The following FHIP1B variants were observed in gnomAD, a reference collection of about 807,000 sequenced individuals.
The protein encoded by FHIP1B is FHF complex subunit HOOK interacting protein 1B.
In FHIP1B, 28 loss-of-function variants were observed where a neutral mutation model predicts 82.2. That is an observed-to-expected ratio of 0.34 (90% confidence interval 0.25 to 0.47). The LOEUF (loss-of-function observed/expected upper bound fraction) is 0.47, where lower values mean the gene tolerates loss of function less well. Among genes scored for constraint, FHIP1B ranks in the 20% least tolerant of loss-of-function variants. The probability of loss-of-function intolerance (pLI) is 1.00; values close to 1 mark genes in which losing one functional copy is unlikely to be tolerated. For synonymous variants in FHIP1B, 585 were observed against 516.1 expected (o/e 1.13, Z -1.81); for missense variants, 1,110 against 1,262.6 (o/e 0.88, Z 1.83).
In FHIP1B at chr11:6,234,016, G is replaced by C. The variant is rs7121673; in HGVS notation, c.-192+528C>G. On this transcript the variant is annotated intron_variant, in intron 1 of 11. Coordinates refer to ENST00000449352, the MANE Select transcript of FHIP1B (RefSeq NM_001098794.2). ...AAGTCCATGGGAGCAGAGGAGTCAG[G>C]TGCACAACACTTCCATCTAAGCTGC... 3.3e-3 allele frequency among the ~76,000 whole-genome samples: 509 copies of C among 152,244 alleles called. 1 individual carries two copies. The highest frequency in any genetic ancestry group is 0.012 in the African/African-American group (489 of 41,522).
intron 6 of FHIP1B, among the ~76,000 whole-genome samples, chr11:6,219,359 A>G (rs1041592469): frequency 6.6e-6 from 1 of 152,274 alleles, no homozygotes; most frequent in Non-Finnish European, 1.5e-5. Flanking sequence ...ACGAAAATCC[A>G]TGAGAAGAGA....
chr11:6,216,982 C>A, intron 9 of FHIP1B: 1 of 649,416 alleles, frequency 1.5e-6, no homozygotes, highest in Middle Eastern at 3.5e-4. Context: ...TGTTTAGGTG[C>A]CTCTCCATAC....
In FHIP1B at chr11:6,222,794, C is replaced by T; in HGVS notation, c.1023+17G>A. Reference sequence around the variant, plus strand: ...GCAGCTTAGCCCCTTATATGCCTTGCCACCCATGACTCTCACCTTGTGCAA... The same window carrying T: ...GCAGCTTAGCCCCTTATATGCCTTGTCACCCATGACTCTCACCTTGTGCAA... On this transcript the variant is annotated intron_variant, in intron 5 of 11. Transcript: ENST00000449352. The T allele has an allele frequency of 6.2e-7, 1 of 1,613,218 alleles. No individual in the cohort carries two copies. Among genetic ancestry groups the T allele is most frequent in the Non-Finnish European group, 8.5e-7 (1 of 1,179,184 alleles).
chr11:6,232,578 C>T (rs531589593), intron 1 of FHIP1B, among the ~76,000 whole-genome samples: 131 of 152,320 alleles, frequency 8.6e-4, no homozygotes, highest in African/African-American at 2.8e-3. Context: ...TCTCTGGCTA[C>T]TGAATTTAAT....
rs533593944 is a variant in FHIP1B, at chr11:6,218,841, A to G, written c.1272-78T>C. 9.5e-6 allele frequency: 15 copies of G among 1,575,230 alleles called. No homozygotes were observed. In the East Asian group the frequency reaches 3.1e-4, roughly 33 times the overall value. On this transcript the variant is annotated intron_variant, in intron 7 of 11. Coordinates refer to ENST00000449352, the MANE Select transcript of FHIP1B (RefSeq NM_001098794.2). ...GGCCTAGAGGAACATCAGGCCAATG[A>G]AACTGCATGGTTAAGCCAGGCTCCA...
intron 11 of FHIP1B, among the ~76,000 whole-genome samples, chr11:6,213,306 AAAT>A (rs1158466573): frequency 1.3e-5 from 2 of 152,256 alleles, no homozygotes; most frequent in Admixed American, 6.5e-5. Flanking sequence ...TTCGATTAGT[AAAT>A]AATGAATGAT....
intron 6 of FHIP1B, among the ~76,000 whole-genome samples, chr11:6,219,386 T>C (rs138848823): frequency 2.0e-5 from 3 of 152,314 alleles, no homozygotes; most frequent in Non-Finnish European, 2.9e-5. Flanking sequence ...AATACTGTGA[T>C]TGAGTGAATG....
At chr11:6,218,291 T>C in intron 8 of FHIP1B, 141 bp from the exon 9 acceptor site, 1 of 1,237,822 alleles carries the variant, frequency 8.1e-7, no homozygotes, top group Non-Finnish European at 1.1e-6. Flanking sequence ...TCCAACCTCC[T>C]AATTAACCTT....
At chr11:6,231,372 T>C (rs866969751) in intron 1 of FHIP1B, among the ~76,000 whole-genome samples, 1 of 151,996 alleles carries the variant, frequency 6.6e-6, no homozygotes, top group East Asian at 1.9e-4. Flanking sequence ...TTTGAGATAC[T>C]TGTGGAGATA....
In FHIP1B at chr11:6,224,699, T is replaced by C. The variant is rs1847515877; in HGVS notation, c.-183A>G. 3.4e-6 allele frequency: 2 copies of C among 595,920 alleles called. No individual in the cohort carries two copies. The highest frequency in any genetic ancestry group is 5.7e-5 in the East Asian group (2 of 35,070). 36.9% of individuals were successfully genotyped at this position (595,920 alleles called of 1,614,324 possible). On this transcript the variant is annotated 5_prime_UTR_variant, in exon 2 of 12. Transcript: ENST00000449352. The stretch of plus-strand genomic sequence containing the variant: ...CCCAGAGGTCACTGGCCAGTCCAGA[T>C]TTCTAAATCTAATTCAGAGAAGAGA...
intron 8 of FHIP1B, 128 bp downstream of exon 8, chr11:6,218,472 C>G: frequency 6.9e-7 from 1 of 1,440,730 alleles, no homozygotes; most frequent in Non-Finnish European, 9.5e-7. Context: ...ATCAACCTCC[C>G]CAAAGACAGA....
intron 9 of FHIP1B, 51 bp downstream of exon 9, chr11:6,217,320 G>A (rs758886166): frequency 7.8e-6 from 12 of 1,534,006 alleles, no homozygotes; most frequent in Middle Eastern, 1.7e-4. Flanking sequence ...CAAACATGTC[G>A]AGAACATGCA....
At position 6,217,862 on chromosome 11, in the gene FHIP1B, G is replaced by T; in HGVS notation, c.1724C>A (p.Pro575His). 3 of 1,613,838 alleles carry T rather than the reference G, an allele frequency of 1.9e-6. No homozygotes were observed. Among genetic ancestry groups the T allele is most frequent in the Non-Finnish European group, 2.5e-6 (3 of 1,180,022 alleles). The change falls in exon 9 of 12, where the codon CCC becomes CAC. Residue 575 changes from proline (P) to histidine (H), a missense_variant. This residue lies in a region of FHIP1B where 418 missense variants were observed against 371.4 expected (regional missense o/e 1.13). Coordinates refer to ENST00000449352, the MANE Select transcript of FHIP1B (RefSeq NM_001098794.2). ...AGGAGAGGGCCGCTCGCCATCATAG[G>T]GGGCAGACCAGGTACGGCAGGCTCG... ...CVRACRTWSA[P>H]YDGERPSPEP...
chr11:6,223,210 T>A lies in FHIP1B; in HGVS notation c.806A>T (p.Tyr269Phe). Residue 269 changes from tyrosine (Y) to phenylalanine (F), a missense_variant, in exon 4 of 12, where the codon TAC becomes TTC. Coordinates refer to ENST00000449352, the MANE Select transcript of FHIP1B (RefSeq NM_001098794.2). This position sits in a 1 kb window ranked among gnomAD's most constrained non-coding sequence, Gnocchi z 4.8. ...CTCAATCTTTCGAGGCAGTGATGAG[T>A]ACAGGGCACTGAGCCCTGTGGCCAG... is the stretch of plus-strand genomic sequence containing the variant. The part of the protein sequence containing the change: ...PVLATGLSAL[Y>F]SSLPRKIEVP... 1.3e-6 allele frequency: 2 copies of A among 1,597,618 alleles called. No homozygotes were observed. The highest frequency in any genetic ancestry group is 1.7e-6 in the Non-Finnish European group (2 of 1,176,262).
intron 6 of FHIP1B, among the ~76,000 whole-genome samples, chr11:6,221,974 T>G (rs751735503): frequency 2.0e-5 from 3 of 152,110 alleles, no homozygotes; most frequent in Non-Finnish European, 4.4e-5. Flanking sequence ...AGTAGATAGG[T>G]GGGTGGATGA....
chr11:6,217,720 A>AAC lies in FHIP1B; in HGVS notation c.1865_1866insGT (p.Ala623LeufsTer40). On this transcript the variant is annotated frameshift_variant, in exon 9 of 12. Coordinates refer to ENST00000449352, the MANE Select transcript of FHIP1B (RefSeq NM_001098794.2). LOFTEE classifies it high-confidence loss of function. ...GCAGGTGACCAGGGCCCTCCCCTGC[A>AAC]CCCCCAGCCCGCCCCCTCCTCCCCA... The AAC allele has an allele frequency of 2.0e-6, 3 of 1,518,690 alleles. No individual in the cohort carries two copies. Among genetic ancestry groups the AAC allele is most frequent in the Non-Finnish European group, 2.7e-6 (3 of 1,105,022 alleles). 94.1% of individuals were successfully genotyped at this position (1,518,690 alleles called of 1,614,324 possible).
In FHIP1B at chr11:6,223,587, C is replaced by A; in HGVS notation, c.777+23G>T. The stretch of plus-strand genomic sequence containing the variant: ...TCAGTATCTACACACCACACCCTAC[C>A]CTCCAAGCCAGGGGGTGCTAACCGG... On this transcript the variant is annotated intron_variant, in intron 3 of 11. Transcript: ENST00000449352. This position sits in a 1 kb window ranked among gnomAD's most constrained non-coding sequence, Gnocchi z 4.8. The A allele has an allele frequency of 6.4e-7, 1 of 1,557,268 alleles. No individual in the cohort carries two copies. Among genetic ancestry groups the A allele is most frequent in the Non-Finnish European group, 8.7e-7 (1 of 1,151,602 alleles).
At position 6,213,506 on chromosome 11, in the gene FHIP1B, C is replaced by T. The variant is rs74575163; in HGVS notation, c.2557+905G>A. Among the ~76,000 whole-genome samples the T allele has an allele frequency of 5.0e-3, 760 of 152,318 alleles. 3 individuals carry two copies. The highest frequency in any genetic ancestry group is 8.2e-3 in the Non-Finnish European group (560 of 68,042). On this transcript the variant is annotated intron_variant, in intron 11 of 11. Coordinates refer to ENST00000449352, the MANE Select transcript of FHIP1B (RefSeq NM_001098794.2). ...TAGGACCTTGCTCCTTCTGGTATTA[C>T]GTTCCTCTAGTCACTCTCCAGATTG...
intron 6 of FHIP1B, among the ~76,000 whole-genome samples, chr11:6,220,169 A>C (rs779225148): frequency 2.0e-5 from 3 of 152,202 alleles, no homozygotes; most frequent in Non-Finnish European, 2.9e-5. Flanking sequence ...AGAGATCCAT[A>C]GATATCTATT....
Sources: allele counts gnomAD v4.1 joint callset (sites outside exome capture counted in the v4.1 genomes callset), GRCh38; gene constraint gnomAD v4.1.1; regional missense constraint gnomAD v4.1.1; non-coding constraint Gnocchi (gnomAD v3.1); transcripts MANE v1.5; gene names NCBI Gene and HGNC (gene_info 2026-07-23, HGNC 2026-07-21).